The following HPSE2 variants were observed in gnomAD, a reference collection of about 807,000 sequenced individuals.
HPSE2 encodes the protein heparanase 2 (inactive).
Under a neutral mutation model 60.5 loss-of-function variants are expected in HPSE2, and 38 were observed. That is an observed-to-expected ratio of 0.63 (90% CI 0.48 to 0.82). HPSE2 has a LOEUF of 0.82. Ranked by LOEUF, HPSE2 falls within the 40% of genes least tolerant of loss-of-function variation. HPSE2 has a pLI of 0.00. For synonymous variants in HPSE2, 295 were observed against 293.2 expected, an observed-to-expected ratio of 1.01 and a Z score of -0.06; for missense variants, 713 against 740.4, an observed-to-expected ratio of 0.96 and a Z score of 0.43.
intron 3 of HPSE2, among the ~76,000 whole-genome samples, chr10:99,123,544 G>T (rs1845043821): frequency 6.6e-6 from 1 of 152,160 alleles, no homozygotes; most frequent in Non-Finnish European, 1.5e-5. Context: ...CCCACAACAA[G>T]GCAAGTGGGG....
chr10:99,212,356 C>T (rs898026584), intron 2 of HPSE2, among the ~76,000 whole-genome samples: 1 of 152,074 alleles, frequency 6.6e-6, no homozygotes, highest in Non-Finnish European at 1.5e-5. Context: ...GATAGCTGCA[C>T]TTCCATGTTC....
chr10:98,968,879 T>C (rs1955880393), intron 3 of HPSE2, among the ~76,000 whole-genome samples: 1 of 152,048 alleles, frequency 6.6e-6, no homozygotes, highest in Non-Finnish European at 1.5e-5. Context: ...TAAAAGACTA[T>C]ATTGAGTACA....
chr10:98,460,746 A>T (rs181202003), intron 11 of HPSE2, among the ~76,000 whole-genome samples: 15 of 152,398 alleles, frequency 9.8e-5, no homozygotes, highest in Admixed American at 9.1e-4. Flanking sequence ...CTGTATAGCC[A>T]GCCACTTTCA....
At chr10:98,926,002 GT>G (rs1024126843) in intron 3 of HPSE2, among the ~76,000 whole-genome samples, 1 of 151,978 alleles carries the variant, frequency 6.6e-6, no homozygotes, top group African/African-American at 2.4e-5. Flanking sequence ...AATATTTAGA[GT>G]TTTTAGTTAC....
chr10:99,209,158 A>G (rs957752599), intron 2 of HPSE2, among the ~76,000 whole-genome samples: 1 of 152,218 alleles, frequency 6.6e-6, no homozygotes, highest in Non-Finnish European at 1.5e-5. Flanking sequence ...AGACATATAT[A>G]AAACATTCCA....
At chr10:98,986,443 A>C (rs922971434) in intron 3 of HPSE2, among the ~76,000 whole-genome samples, 1 of 151,322 alleles carries the variant, frequency 6.6e-6, no homozygotes, top group East Asian at 1.9e-4. Flanking sequence ...TTTGAAACCA[A>C]CGAGAACAAA....
chr10:98,639,413 G>A (rs953452614), intron 7 of HPSE2, among the ~76,000 whole-genome samples: 2 of 152,146 alleles, frequency 1.3e-5, no homozygotes, highest in Non-Finnish European at 2.9e-5. Flanking sequence ...CCCTGGGCAT[G>A]TTCTGTTTGC....
intron 2 of HPSE2, among the ~76,000 whole-genome samples, chr10:99,148,134 G>C (rs1031846280): frequency 6.6e-6 from 1 of 152,278 alleles, no homozygotes; most frequent in Middle Eastern, 3.4e-3. Context: ...GCAGAATAAA[G>C]AAGGCAACAC....
the HPSE2 span, among the ~76,000 whole-genome samples, chr10:99,244,953 T>C: frequency 1.3e-5 from 2 of 152,072 alleles, no homozygotes; most frequent in South Asian, 4.1e-4. Context: ...ACTAGTTATA[T>C]TAAACCTTAT....
At position 98,877,065 on chromosome 10, in the gene HPSE2, T is replaced by C. The variant is rs535207239; in HGVS notation, c.611-133009A>G. 5.8e-3 allele frequency among the ~76,000 whole-genome samples: 881 copies of C among 152,032 alleles called. 7 individuals are homozygous for C. Among genetic ancestry groups the C allele is most frequent in the African/African-American group, 0.02 (825 of 41,546 alleles). Reference sequence around the variant, plus strand: ...AAAATCCATGTTCAAAAACATTTTTTGTTGTGAAATATCTCTTATATAAGA... The same window carrying C: ...AAAATCCATGTTCAAAAACATTTTTCGTTGTGAAATATCTCTTATATAAGA... On this transcript the variant is annotated intron_variant, in intron 3 of 11. Transcript: ENST00000370552.
chr10:98,717,529 A>T (rs771664044), intron 5 of HPSE2, among the ~76,000 whole-genome samples: 3 of 152,022 alleles, frequency 2.0e-5, no homozygotes, highest in Non-Finnish European at 2.9e-5. Context: ...AGGCCATTGT[A>T]GTGTTATTTA....
At chr10:99,237,517 T>G (rs1022196984), upstream of HPSE2, among the ~76,000 whole-genome samples, 1 of 152,236 alleles carries the variant, frequency 6.6e-6, no homozygotes, top group South Asian at 2.1e-4. Flanking sequence ...ATCGAGATTA[T>G]GTTGCATTCA....
At chr10:98,676,742 G>C (rs757197115) in intron 6 of HPSE2, among the ~76,000 whole-genome samples, 11 of 152,300 alleles carry the variant, frequency 7.2e-5, no homozygotes, top group Middle Eastern at 3.4e-3. Flanking sequence ...TTTAGATATA[G>C]AGCTTAGGTC....
At chr10:99,104,029 C>A (rs1323292781) in intron 3 of HPSE2, among the ~76,000 whole-genome samples, 1 of 152,122 alleles carries the variant, frequency 6.6e-6, no homozygotes, top group Middle Eastern at 3.2e-3. Context: ...ACCATAAAAA[C>A]CCCAGGAGAA....
At chr10:98,736,695 A>G (rs985165682) in intron 4 of HPSE2, among the ~76,000 whole-genome samples, 1 of 152,222 alleles carries the variant, frequency 6.6e-6, no homozygotes, top group African/African-American at 2.4e-5. Context: ...GTTCTAGCAT[A>G]TAAGAGTTTA....
intron 3 of HPSE2, among the ~76,000 whole-genome samples, chr10:98,835,003 C>A: frequency 6.6e-6 from 1 of 151,978 alleles, no homozygotes; most frequent in Middle Eastern, 3.4e-3. Flanking sequence ...ATCTTAATTT[C>A]TAATATGGCA....
intron 9 of HPSE2, among the ~76,000 whole-genome samples, chr10:98,527,735 T>C (rs1485063988): frequency 6.6e-6 from 1 of 152,226 alleles, no homozygotes; most frequent in Non-Finnish European, 1.5e-5. Flanking sequence ...GTCTGTTTCC[T>C]TTGTAGCTAT....
intron 3 of HPSE2, among the ~76,000 whole-genome samples, chr10:98,978,015 A>C (rs561976723): frequency 2.6e-5 from 4 of 151,936 alleles, no homozygotes; most frequent in Admixed American, 2.0e-4. Flanking sequence ...CCAGTTTTTC[A>C]AATGGAGAAA....
At chr10:98,852,350 C>A (rs796345746) in intron 3 of HPSE2, among the ~76,000 whole-genome samples, 15 of 152,236 alleles carry the variant, frequency 9.9e-5, no homozygotes, top group African/African-American at 3.4e-4. Context: ...TGTGTTGGAG[C>A]TGGCCATAAA....
Sources: allele counts gnomAD v4.1 joint callset (sites outside exome capture counted in the v4.1 genomes callset), GRCh38; gene constraint gnomAD v4.1.1; transcripts MANE v1.5; gene names NCBI Gene and HGNC (gene_info 2026-07-23, HGNC 2026-07-21).